DOC2B: variants seen among roughly 807,000 people sequenced by gnomAD.
DOC2B encodes double C2-like domain-containing protein beta.
A neutral mutation model predicts 28.9 loss-of-function variants in DOC2B; 21 were observed. The ratio of observed to expected loss-of-function variants is 0.73; its 90% CI spans 0.52 to 1.05. The LOEUF (loss-of-function observed/expected upper bound fraction) is 1.05. DOC2B is among the 50% of genes least tolerant of loss of function. The pLI, the probability that DOC2B is intolerant of heterozygous loss-of-function variation, is 0.00. For missense variants in DOC2B, 384 were observed against 421.1 expected, an observed-to-expected ratio of 0.91 and a Z score of 0.77; for synonymous variants, 194 against 178.1, an observed-to-expected ratio of 1.09 and a Z score of -0.71.
At chr17:172,020 T>A (rs2040317858) in intron 2 of DOC2B, among the ~76,000 whole-genome samples, 1 of 150,948 alleles carries the variant, frequency 6.6e-6, no homozygotes, top group Non-Finnish European at 1.5e-5. Flanking sequence ...TGCAGAGGGG[T>A]CCACAGGCAC....
At chr17:161,635 T>C (rs939222874) in intron 4 of DOC2B, 94 bp from the exon 5 acceptor site, 1 of 1,521,692 alleles carries the variant, frequency 6.6e-7, no homozygotes, top group East Asian at 2.5e-5. Flanking sequence ...TGGCTTCTCC[T>C]GCCCCAAGCC....
At position 181,416 on chromosome 17, in the gene DOC2B, C is replaced by CG; in HGVS notation, c.63dup (p.Val22ArgfsTer116). 1 of 1,188,646 alleles carries CG rather than the reference C, an allele frequency of 8.4e-7. No individual in the cohort carries two copies. The highest frequency in any genetic ancestry group is 1.1e-6 in the Non-Finnish European group (1 of 946,636). The allele number at this position is 1,188,646 out of a possible 1,614,324, so 73.6% of individuals were successfully genotyped here. On this transcript the variant is annotated frameshift_variant, in exon 1 of 9. Transcript: ENST00000613549. LOFTEE classifies it high-confidence loss of function. The surrounding 1 kb of genome is among the most constrained non-coding windows in gnomAD (Gnocchi z 7.0). ...ATGGGACGGATGGGGCCGGGGCACA[C>CG]GTCGATGGCCATATGCTCCTGGATG... is the stretch of plus-strand genomic sequence containing the variant.
chr17:177,987 AGGACAG>A (rs1171968531), intron 1 of DOC2B, among the ~76,000 whole-genome samples: 1 of 152,266 alleles, frequency 6.6e-6, no homozygotes, highest in Non-Finnish European at 1.5e-5. Flanking sequence ...ATGAGACAAA[AGGACAG>A]GTCTCCTGGG....
chr17:162,257 G>A lies in DOC2B; in HGVS notation c.529-67C>T, dbSNP rs2040214301. ...ATCAAACAGAACAATGGCCCCCAGA[G>A]ATGGCCACGTGCTCATCTTGGAGCC... On this transcript the variant is annotated intron_variant, in intron 3 of 8. Transcript: ENST00000613549. 5.1e-6 allele frequency: 6 copies of A among 1,169,890 alleles called. No individual in the cohort carries two copies. In the South Asian group the frequency reaches 7.8e-5, roughly 15 times the overall value. 72.5% of individuals were successfully genotyped at this position (1,169,890 alleles called of 1,614,324 possible).
chr17:180,896 C>A (rs1008926715), intron 1 of DOC2B, among the ~76,000 whole-genome samples: 1 of 151,700 alleles, frequency 6.6e-6, no homozygotes, highest in Non-Finnish European at 1.5e-5. Context: ...TCCCTCCTGT[C>A]CGGCCTGGGT....
intron 1 of DOC2B, among the ~76,000 whole-genome samples, chr17:178,043 T>C (rs143155804): frequency 0.029 from 4,384 of 152,306 alleles, 213 homozygotes; most frequent in African/African-American, 0.1. Flanking sequence ...AACTGAGACA[T>C]GAGAAAAGGA....
At chr17:172,675 GC>G in intron 1 of DOC2B, 59 bp from the exon 2 acceptor site, 3 of 1,409,168 alleles carry the variant, frequency 2.1e-6, no homozygotes, top group Non-Finnish European at 2.9e-6. Flanking sequence ...GGCTTCGCCT[GC>G]CCCTGTGAGA....
rs2040020922 is a variant in DOC2B, at chr17:146,583, C to G, written c.*858G>C. 6.6e-6 allele frequency: 1 copy of G among 152,362 alleles called. No individual in the cohort carries two copies. The highest frequency in any genetic ancestry group is 1.9e-4 in the East Asian group (1 of 5,164). The allele number at this position is 152,362 out of a possible 1,614,324, so 9.4% of individuals were successfully genotyped here. On this transcript the variant is annotated 3_prime_UTR_variant, in exon 9 of 9. Transcript: ENST00000613549. ...GAGGAGACCCTGGGTCCACAGCACCCCGGCCCCATTGGCTTTCTCTCTCCA... is the reference window on the plus strand; with the variant it reads ...GAGGAGACCCTGGGTCCACAGCACCGCGGCCCCATTGGCTTTCTCTCTCCA...
intron 1 of DOC2B, 82 bp from the exon 2 acceptor site, chr17:172,698 T>C: frequency 8.3e-7 from 1 of 1,207,070 alleles, no homozygotes. Context: ...CAGATGAGCC[T>C]GGCCTGGGCA....
chr17:159,415 C>T (rs926881943), intron 5 of DOC2B, among the ~76,000 whole-genome samples: 3 of 152,204 alleles, frequency 2.0e-5, no homozygotes, highest in African/African-American at 7.2e-5. Flanking sequence ...CATTCAAGGT[C>T]AGGAGTTTGA....
At chr17:175,226 A>C (rs2040356292) in intron 1 of DOC2B, among the ~76,000 whole-genome samples, 1 of 152,228 alleles carries the variant, frequency 6.6e-6, no homozygotes, top group Non-Finnish European at 1.5e-5. Flanking sequence ...ACAGAGCGAG[A>C]TCCTGTCTCA....
chr17:162,363 G>A (rs954438797), intron 3 of DOC2B, among the ~76,000 whole-genome samples, 173 bp from the exon 4 acceptor site: 1 of 152,176 alleles, frequency 6.6e-6, no homozygotes, highest in African/African-American at 2.4e-5. Flanking sequence ...CATTAGAATA[G>A]GGAGATTATC....
At chr17:159,261 C>A (rs1055497560) in intron 5 of DOC2B, among the ~76,000 whole-genome samples, 3 of 152,150 alleles carry the variant, frequency 2.0e-5, no homozygotes, top group African/African-American at 7.2e-5. Flanking sequence ...GAGGCCGAGG[C>A]AGGAGGATCA....
chr17:158,441 C>T (rs534778966), intron 5 of DOC2B, among the ~76,000 whole-genome samples: 2 of 152,190 alleles, frequency 1.3e-5, no homozygotes, highest in Non-Finnish European at 2.9e-5. Flanking sequence ...CTACATCTAA[C>T]CCTTTCTGGA....
At chr17:152,576 T>C (rs1022811177) in intron 6 of DOC2B, among the ~76,000 whole-genome samples, 2 of 152,100 alleles carry the variant, frequency 1.3e-5, no homozygotes, top group Non-Finnish European at 2.9e-5. Context: ...GAGACCAGCC[T>C]GGCCAATACG....
chr17:148,033 G>C (rs1324243359), intron 8 of DOC2B, 140 bp downstream of exon 8: 1 of 396,034 alleles, frequency 2.5e-6, no homozygotes, highest in East Asian at 3.6e-5. Context: ...ACAAGGGTCA[G>C]GCTGGAGAAG....
chr17:170,240 G>A (rs2040296045), intron 2 of DOC2B, among the ~76,000 whole-genome samples: 1 of 152,200 alleles, frequency 6.6e-6, no homozygotes, highest in South Asian at 2.1e-4. Flanking sequence ...CCCCCGCCAG[G>A]CAGGGCTGGA....
At chr17:151,220 T>C (rs923207465) in intron 6 of DOC2B, among the ~76,000 whole-genome samples, 2 of 152,144 alleles carry the variant, frequency 1.3e-5, no homozygotes, top group Non-Finnish European at 1.5e-5. Flanking sequence ...CAATGAGCTA[T>C]GATTGCGCCA....
intron 5 of DOC2B, among the ~76,000 whole-genome samples, chr17:157,798 G>A (rs972934935): frequency 6.6e-6 from 1 of 152,324 alleles, no homozygotes; most frequent in African/African-American, 2.4e-5. Flanking sequence ...GGCACTAAGG[G>A]CCCACTGGAG....
Sources: allele counts gnomAD v4.1 joint callset (sites outside exome capture counted in the v4.1 genomes callset), GRCh38; gene constraint gnomAD v4.1.1; non-coding constraint Gnocchi (gnomAD v3.1); transcripts MANE v1.5; gene names NCBI Gene and HGNC (gene_info 2026-07-23, HGNC 2026-07-21).